The following USP12 variants were observed in gnomAD, a reference collection of about 807,000 sequenced individuals.
USP12 encodes the protein ubiquitin specific peptidase 12, also known as ubiquitin carboxyl-terminal hydrolase 12.
Under a neutral mutation model 45.5 loss-of-function variants are expected in USP12, and 19 were observed. The observed-to-expected ratio is 0.42, with a 90% CI of 0.29 to 0.61. The LOEUF (loss-of-function observed/expected upper bound fraction) is 0.61. Among genes scored for constraint, USP12 ranks in the 20% least tolerant of loss-of-function variants. USP12 has a pLI of 0.22. For synonymous variants in USP12, 149 were observed against 148.8 expected, an observed-to-expected ratio of 1.00 and a Z score of -0.01; for missense variants, 242 against 447.7, an observed-to-expected ratio of 0.54 and a Z score of 4.15.
intron 1 of USP12, among the ~76,000 whole-genome samples, chr13:27,138,656 C>G (rs1199599220): frequency 6.6e-6 from 1 of 152,170 alleles, no homozygotes; most frequent in Non-Finnish European, 1.5e-5. Flanking sequence ...GTCATTATGA[C>G]TGGTTTCACT....
intron 1 of USP12, among the ~76,000 whole-genome samples, chr13:27,127,875 A>G (rs1876312756): frequency 6.6e-6 from 1 of 152,268 alleles, no homozygotes; most frequent in African/African-American, 2.4e-5. Flanking sequence ...AACAAGTTAC[A>G]TATCTGAATC....
At chr13:27,086,282 TACACACACAC>T (rs71083627) in intron 6 of USP12, among the ~76,000 whole-genome samples, 21 of 137,424 alleles carry the variant, frequency 1.5e-4, no homozygotes, top group East Asian at 4.2e-4. Context: ...TATATATAAT[TACACACACAC>T]ACACACACAC....
chr13:27,163,768 T>TA (rs34384911), intron 1 of USP12, among the ~76,000 whole-genome samples: 1,360 of 83,214 alleles, frequency 0.016, 31 homozygotes, highest in East Asian at 0.089. Flanking sequence ...AGACCTGTCT[T>TA]AAAAAAAAAA....
At chr13:27,142,663 A>G (rs1877117800) in intron 1 of USP12, among the ~76,000 whole-genome samples, 1 of 152,236 alleles carries the variant, frequency 6.6e-6, no homozygotes, top group African/African-American at 2.4e-5. Flanking sequence ...ATTTATCAAA[A>G]AAATTACAGT....
intron 1 of USP12, among the ~76,000 whole-genome samples, chr13:27,147,375 A>G (rs1877355382): frequency 6.6e-6 from 1 of 152,200 alleles, no homozygotes; most frequent in Non-Finnish European, 1.5e-5. Context: ...TGTAATATTT[A>G]AGTATAGTAA....
At chr13:27,149,045 G>A (rs999270294) in intron 1 of USP12, among the ~76,000 whole-genome samples, 2 of 151,998 alleles carry the variant, frequency 1.3e-5, no homozygotes, top group African/African-American at 2.4e-5. Context: ...TTAGCCAGGC[G>A]TGGTGGCACA....
chr13:27,087,407 T>C (rs182490795), intron 6 of USP12, among the ~76,000 whole-genome samples: 1 of 152,224 alleles, frequency 6.6e-6, no homozygotes, highest in East Asian at 1.9e-4. Context: ...AACTGTACTG[T>C]CAGAAAAAGG....
At chr13:27,126,784 G>C (rs945017214) in intron 1 of USP12, among the ~76,000 whole-genome samples, 2 of 152,136 alleles carry the variant, frequency 1.3e-5, no homozygotes, top group Non-Finnish European at 2.9e-5. Flanking sequence ...ACAAATATTT[G>C]TTCTAAACAT....
At chr13:27,133,154 A>G (rs1876589471) in intron 1 of USP12, among the ~76,000 whole-genome samples, 1 of 152,162 alleles carries the variant, frequency 6.6e-6, no homozygotes, top group South Asian at 2.1e-4. Flanking sequence ...GGAATCCTCA[A>G]AAATATCTGA....
At chr13:27,113,869 C>G (rs957207694) in intron 2 of USP12, among the ~76,000 whole-genome samples, 1 of 152,146 alleles carries the variant, frequency 6.6e-6, no homozygotes, top group South Asian at 2.1e-4. Context: ...GAAAAGAGAA[C>G]CAAGAGACAT....
At chr13:27,170,961 C>T (rs1246853777) in intron 1 of USP12, among the ~76,000 whole-genome samples, 1 of 152,238 alleles carries the variant, frequency 6.6e-6, no homozygotes, top group African/African-American at 2.4e-5. Flanking sequence ...GCCCCTTTCC[C>T]CCAGCGCGGG....
intron 1 of USP12, among the ~76,000 whole-genome samples, chr13:27,165,510 A>G (rs1878311428): frequency 6.6e-6 from 1 of 152,192 alleles, no homozygotes; most frequent in Non-Finnish European, 1.5e-5. Context: ...AAAGGGCAGT[A>G]ACAGCCAACA....
chr13:27,093,145 A>G (rs1874396250), intron 4 of USP12, among the ~76,000 whole-genome samples: 1 of 151,936 alleles, frequency 6.6e-6, no homozygotes, highest in African/African-American at 2.4e-5. Context: ...GCGGTGAGCC[A>G]CTGCGCTCCA....
chr13:27,078,283 T>C (rs960980676), intron 6 of USP12, among the ~76,000 whole-genome samples: 1 of 152,160 alleles, frequency 6.6e-6, no homozygotes, highest in Non-Finnish European at 1.5e-5. Flanking sequence ...CAACTACTTA[T>C]ATACCATTTA....
At chr13:27,148,814 A>ACACACACACACAC (rs1555238422) in intron 1 of USP12, among the ~76,000 whole-genome samples, 2 of 150,948 alleles carry the variant, frequency 1.3e-5, no homozygotes, top group East Asian at 1.9e-4. Flanking sequence ...ACACACACAC[A>ACACACACACACAC]AAAATCAGGT....
chr13:27,093,834 T>C (rs1211772045), intron 4 of USP12, among the ~76,000 whole-genome samples: 1 of 152,214 alleles, frequency 6.6e-6, no homozygotes, highest in Non-Finnish European at 1.5e-5. Flanking sequence ...GTGGAAATGT[T>C]GCTCAGCCAA....
chr13:27,071,222 T>C (rs1183421860), intron 7 of USP12, 73 bp from the exon 8 acceptor site: 1 of 1,357,590 alleles, frequency 7.4e-7, no homozygotes, highest in East Asian at 2.6e-5. Context: ...AATTTTGTTT[T>C]ATAAAGAAAC....
At chr13:27,113,913 A>C (rs1875588726) in intron 2 of USP12, among the ~76,000 whole-genome samples, 1 of 152,248 alleles carries the variant, frequency 6.6e-6, no homozygotes, top group African/African-American at 2.4e-5. Context: ...AAAAATGGAA[A>C]GTTTCATTTT....
At chr13:27,088,147 G>A (rs542702281) in intron 6 of USP12, among the ~76,000 whole-genome samples, 57 of 152,290 alleles carry the variant, frequency 3.7e-4, no homozygotes, top group African/African-American at 1.2e-3. Flanking sequence ...GCGGCCGGGC[G>A]CAGTGGCTCA....
Sources: allele counts gnomAD v4.1 joint callset (sites outside exome capture counted in the v4.1 genomes callset), GRCh38; gene constraint gnomAD v4.1.1; transcripts MANE v1.5; gene names NCBI Gene and HGNC (gene_info 2026-07-23, HGNC 2026-07-21).